Variants in PPM1H observed in about 807,000 individuals in gnomAD.
PPM1H encodes the protein protein phosphatase, Mg2+/Mn2+ dependent 1H.
In PPM1H, 27 loss-of-function variants were observed where a neutral mutation model predicts 54.9. The observed-to-expected ratio is 0.49, with a 90% CI of 0.36 to 0.68. The LOEUF (loss-of-function observed/expected upper bound fraction) is 0.68. Ranked by LOEUF, PPM1H falls within the 30% of genes least tolerant of loss-of-function variation. The probability of loss-of-function intolerance (pLI) is 0.00; values close to 1 mark genes in which losing one functional copy is unlikely to be tolerated. For synonymous variants in PPM1H, 305 were observed against 270.8 expected (o/e 1.13, Z -1.24); for missense variants, 596 against 667.8 (o/e 0.89, Z 1.19).
intron 4 of PPM1H, among the ~76,000 whole-genome samples, chr12:62,771,088 A>AC (rs2076576823): frequency 1.5e-5 from 2 of 132,948 alleles, no homozygotes; most frequent in East Asian, 2.3e-4. Flanking sequence ...ACACACACAC[A>AC]ACTGTGTTTT....
chr12:62,653,559 C>A (rs117533582), intron 9 of PPM1H, among the ~76,000 whole-genome samples: 15 of 152,280 alleles, frequency 9.9e-5, no homozygotes, highest in Non-Finnish European at 2.2e-4. Flanking sequence ...TTCTGTTACA[C>A]CCAGGTTTTC....
chr12:62,786,438 G>A (rs899901281), intron 4 of PPM1H, among the ~76,000 whole-genome samples: 2 of 152,206 alleles, frequency 1.3e-5, no homozygotes, highest in Non-Finnish European at 1.5e-5. Context: ...GACCTCCCTG[G>A]GCCACTCATC....
chr12:62,721,448 C>T (rs920693023), intron 5 of PPM1H, among the ~76,000 whole-genome samples: 5 of 152,154 alleles, frequency 3.3e-5, no homozygotes, highest in African/African-American at 1.2e-4. Flanking sequence ...TGAGGGTGAG[C>T]AGGAGAACTG....
At chr12:62,805,648 C>A (rs1379068554) in intron 2 of PPM1H, among the ~76,000 whole-genome samples, 1 of 152,070 alleles carries the variant, frequency 6.6e-6, no homozygotes, top group Non-Finnish European at 1.5e-5. Flanking sequence ...AAAAAAGAGT[C>A]AAACTCGTAG....
At chr12:62,860,670 C>T (rs1869566294) in intron 1 of PPM1H, among the ~76,000 whole-genome samples, 1 of 152,222 alleles carries the variant, frequency 6.6e-6, no homozygotes, top group Non-Finnish European at 1.5e-5. Context: ...TCTCCTACAA[C>T]TCAGTGTTGA....
chr12:62,648,224 CTCGGAGGCCTATG>C lies in PPM1H; in HGVS notation c.*252_*264del. 2.5e-6 allele frequency: 1 copy of C among 395,388 alleles called. No individual in the cohort carries two copies. The highest frequency in any genetic ancestry group is 3.6e-5 in the Admixed American group (1 of 27,912). The allele number at this position is 395,388 out of a possible 1,614,324, so 24.5% of individuals were successfully genotyped here. A position where few individuals can be genotyped will look rare whatever the true frequency, so the allele number is the denominator to read the frequency against. On this transcript the variant is annotated 3_prime_UTR_variant, in exon 10 of 10. Coordinates refer to ENST00000228705, the MANE Select transcript of PPM1H (RefSeq NM_020700.2). ...TATACCCCAAATAGTCAATGGCCAC[CTCGGAGGCCTATG>C]AAAGGAACTGAAATACAACAACACT...
intron 2 of PPM1H, among the ~76,000 whole-genome samples, chr12:62,811,091 G>A (rs796177974): frequency 6.6e-5 from 10 of 152,320 alleles, no homozygotes; most frequent in Admixed American, 2.0e-4. Context: ...TAAATGTGCA[G>A]CTAACCATGG....
chr12:62,796,514 A>G (rs977105905), intron 3 of PPM1H, among the ~76,000 whole-genome samples: 7 of 152,218 alleles, frequency 4.6e-5, no homozygotes, highest in African/African-American at 1.7e-4. Context: ...CTAGTTCATT[A>G]TAAAGGATAT....
intron 1 of PPM1H, among the ~76,000 whole-genome samples, chr12:62,927,107 C>T (rs1871993310): frequency 3.3e-5 from 5 of 152,052 alleles, no homozygotes; most frequent in African/African-American, 1.2e-4. Context: ...ATATTAAAGG[C>T]TTAATACTAA....
At chr12:62,649,046 T>C (rs1000208285) in intron 9 of PPM1H, among the ~76,000 whole-genome samples, 2 of 152,210 alleles carry the variant, frequency 1.3e-5, no homozygotes, top group African/African-American at 2.4e-5. Context: ...TATATTTAGT[T>C]TTAGAGTTAT....
intron 4 of PPM1H, among the ~76,000 whole-genome samples, chr12:62,769,411 G>T (rs185476202): frequency 1.3e-5 from 2 of 152,356 alleles, no homozygotes; most frequent in East Asian, 3.9e-4. Context: ...TCCTCACACA[G>T]AGGGAGAAAG....
At chr12:62,701,008 G>A (rs1165744885) in intron 6 of PPM1H, among the ~76,000 whole-genome samples, 1 of 151,890 alleles carries the variant, frequency 6.6e-6, no homozygotes, top group East Asian at 1.9e-4. Context: ...GCTTCTTCAT[G>A]CCCTTTAAGT....
In PPM1H at chr12:62,934,747, C is replaced by A. The variant is rs754449009; in HGVS notation, c.-11G>T. 1 of 1,522,554 alleles carries A rather than the reference C, an allele frequency of 6.6e-7. No homozygotes were observed. The highest frequency in any genetic ancestry group is 8.8e-7 in the Non-Finnish European group (1 of 1,130,284). The allele number at this position is 1,522,554 out of a possible 1,614,324, so 94.3% of individuals were successfully genotyped here. A position where few individuals can be genotyped will look rare whatever the true frequency, so the allele number is the denominator to read the frequency against. ...CACTCGAGTGAGCATATTACTCCGGCGCCCGGCTGCAGCGGTGCGAGCAGG... is the reference window on the plus strand; with the variant it reads ...CACTCGAGTGAGCATATTACTCCGGAGCCCGGCTGCAGCGGTGCGAGCAGG... On this transcript the variant is annotated 5_prime_UTR_variant, in exon 1 of 10. Transcript: ENST00000228705. The surrounding 1 kb of genome is among the most constrained non-coding windows in gnomAD (Gnocchi z 4.2).
chr12:62,890,965 C>T (rs1211737611), intron 1 of PPM1H, among the ~76,000 whole-genome samples: 6 of 151,648 alleles, frequency 4.0e-5, no homozygotes, highest in African/African-American at 9.7e-5. Flanking sequence ...CAAAATTAGC[C>T]GGGCGTGGTG....
intron 6 of PPM1H, among the ~76,000 whole-genome samples, chr12:62,719,295 A>G (rs1447441227): frequency 6.6e-6 from 1 of 152,180 alleles, no homozygotes; most frequent in Non-Finnish European, 1.5e-5. Context: ...AGAGATAAGA[A>G]AATCTACTTA....
At chr12:62,762,855 A>G (rs2076518036) in intron 4 of PPM1H, among the ~76,000 whole-genome samples, 1 of 152,214 alleles carries the variant, frequency 6.6e-6, no homozygotes, top group African/African-American at 2.4e-5. Context: ...TTAAGAAATA[A>G]AGAACACCTC....
intron 6 of PPM1H, among the ~76,000 whole-genome samples, chr12:62,710,537 TAAA>T: frequency 7.7e-6 from 1 of 130,228 alleles, no homozygotes; most frequent in South Asian, 2.5e-4. Context: ...ACTGTCTCTT[TAAA>T]AAAAAAAAAA....
intron 6 of PPM1H, among the ~76,000 whole-genome samples, chr12:62,703,798 G>C (rs2076157454): frequency 6.6e-6 from 1 of 152,164 alleles, no homozygotes; most frequent in Admixed American, 6.5e-5. Flanking sequence ...AAGCAATGCA[G>C]GATTGGCAAC....
At chr12:62,856,100 T>C (rs1256601835) in intron 1 of PPM1H, among the ~76,000 whole-genome samples, 1 of 152,204 alleles carries the variant, frequency 6.6e-6, no homozygotes, top group East Asian at 1.9e-4. Flanking sequence ...GATGGCTTCT[T>C]CTCCAGCTGG....
Sources: allele counts gnomAD v4.1 joint callset (sites outside exome capture counted in the v4.1 genomes callset), GRCh38; gene constraint gnomAD v4.1.1; non-coding constraint Gnocchi (gnomAD v3.1); transcripts MANE v1.5; gene names NCBI Gene and HGNC (gene_info 2026-07-23, HGNC 2026-07-21).